The following KIAA0319L variants were observed in gnomAD, a reference collection of about 807,000 sequenced individuals.
KIAA0319L encodes the protein dyslexia-associated protein KIAA0319-like protein.
In KIAA0319L, 55 loss-of-function variants were observed where a neutral mutation model predicts 120.1. The ratio of observed to expected loss-of-function variants is 0.46; its 90% CI spans 0.37 to 0.57. The LOEUF (loss-of-function observed/expected upper bound fraction) is 0.57, where lower values mean the gene tolerates loss of function less well. Ranked by LOEUF, KIAA0319L falls within the 20% of genes least tolerant of loss-of-function variation. The probability of loss-of-function intolerance (pLI) is 0.00; values close to 1 mark genes in which losing one functional copy is unlikely to be tolerated. For missense variants in KIAA0319L, 1,049 were observed against 1,255.3 expected (o/e 0.84, Z 2.48); for synonymous variants, 398 against 471.9 (o/e 0.84, Z 2.03).
At chr1:35,523,645 CAGA>C (rs1646013468) in intron 2 of KIAA0319L, among the ~76,000 whole-genome samples, 1 of 152,040 alleles carries the variant, frequency 6.6e-6, no homozygotes, top group Admixed American at 6.6e-5. Flanking sequence ...TCTCAAAGAG[CAGA>C]AGTTTTTGCA....
intron 13 of KIAA0319L, 33 bp downstream of exon 13, chr1:35,451,595 A>C: frequency 6.2e-7 from 1 of 1,604,536 alleles, no homozygotes. Flanking sequence ...TGACCCTAAG[A>C]GGCTGCTACA....
At chr1:35,449,659 T>C (rs988132352) in intron 15 of KIAA0319L, among the ~76,000 whole-genome samples, 33 of 152,158 alleles carry the variant, frequency 2.2e-4, no homozygotes, top group Admixed American at 9.8e-4. Flanking sequence ...CTGAGATGAA[T>C]AGGGGGAGGT....
Position 35,453,809 on chromosome 1 carries a change from ATAC to A in KIAA0319L, c.1781-123_1781-121del. ...GCCTCTCAGGCCACAGAACTGTCAG[ATAC>A]TGTGGGAGATGTGGTTACCGTCAGG... On this transcript the variant is annotated intron_variant, in intron 11 of 20. Transcript: ENST00000325722. This position sits in a 1 kb window ranked among gnomAD's most constrained non-coding sequence, Gnocchi z 4.1. 2.1e-6 allele frequency: 2 copies of A among 941,854 alleles called. No individual in the cohort carries two copies. Among genetic ancestry groups the A allele is most frequent in the Middle Eastern group, 3.4e-4 (1 of 2,966 alleles). 58.3% of individuals were successfully genotyped at this position (941,854 alleles called of 1,614,324 possible).
rs77007266 is a variant in KIAA0319L, at chr1:35,460,038, A to C, written c.1427+267T>G. ...TTTAACAACAGAAATCCTAAAAAAA[A>C]TTTTTGGAGACCTGCCAGATAAGGC... is the stretch of plus-strand genomic sequence containing the variant. On this transcript the variant is annotated intron_variant, in intron 9 of 20. Transcript: ENST00000325722. Among the ~76,000 whole-genome samples the C allele has an allele frequency of 2.6e-3, 393 of 152,252 alleles. 3 individuals are homozygous for C. The highest frequency in any genetic ancestry group is 9.2e-3 in the African/African-American group (382 of 41,540).
intron 2 of KIAA0319L, among the ~76,000 whole-genome samples, chr1:35,517,275 C>T (rs762511771): frequency 9.2e-5 from 14 of 152,164 alleles, no homozygotes; most frequent in Admixed American, 5.2e-4. Flanking sequence ...AGCCAAAAGA[C>T]CAAAGCTGGT....
At chr1:35,451,886 AC>A (rs1301479520) in intron 12 of KIAA0319L, 110 bp from the exon 13 acceptor site, 1 of 1,110,668 alleles carries the variant, frequency 9.0e-7, no homozygotes, top group African/African-American at 1.6e-5. Flanking sequence ...AACTACTGTT[AC>A]CCAGACCTTG....
At chr1:35,536,665 A>T (rs1371285210) in intron 2 of KIAA0319L, among the ~76,000 whole-genome samples, 6 of 152,238 alleles carry the variant, frequency 3.9e-5, no homozygotes, top group Non-Finnish European at 2.9e-5. Context: ...AGTTTGCATT[A>T]ATTGGATACA....
At chr1:35,547,508 T>G (rs1204243922) in intron 2 of KIAA0319L, among the ~76,000 whole-genome samples, 1 of 152,094 alleles carries the variant, frequency 6.6e-6, no homozygotes, top group Non-Finnish European at 1.5e-5. Flanking sequence ...AACTGATGAA[T>G]GGATAAACAA....
chr1:35,480,818 T>C (rs1415178644), intron 3 of KIAA0319L, among the ~76,000 whole-genome samples: 2 of 152,050 alleles, frequency 1.3e-5, no homozygotes, highest in African/African-American at 4.8e-5. Context: ...TGAAATATAA[T>C]TCACATAAAC....
chr1:35,496,887 C>T (rs748663399), intron 3 of KIAA0319L, among the ~76,000 whole-genome samples: 2 of 131,884 alleles, frequency 1.5e-5, no homozygotes, highest in South Asian at 5.1e-4. Flanking sequence ...GTCGAGGCTG[C>T]GGAGAGCAGA....
chr1:35,468,672 C>G (rs1643428977), intron 6 of KIAA0319L, among the ~76,000 whole-genome samples: 1 of 152,164 alleles, frequency 6.6e-6, no homozygotes, highest in Non-Finnish European at 1.5e-5. Flanking sequence ...ACTTCTCTTC[C>G]CCAACATCCC....
intron 3 of KIAA0319L, among the ~76,000 whole-genome samples, chr1:35,498,787 T>C (rs1644901440): frequency 6.6e-6 from 1 of 152,230 alleles, no homozygotes; most frequent in African/African-American, 2.4e-5. Flanking sequence ...CATGCTATCC[T>C]AGTTTCTACT....
intron 4 of KIAA0319L, among the ~76,000 whole-genome samples, chr1:35,476,453 AG>A (rs1643899557): frequency 6.6e-6 from 1 of 152,196 alleles, no homozygotes; most frequent in African/African-American, 2.4e-5. Flanking sequence ...GGAGGCGAGA[AG>A]GGCTTCCTAG....
chr1:35,441,175 G>A (rs779478542), intron 19 of KIAA0319L, 37 bp from the exon 20 acceptor site: 20 of 1,586,806 alleles, frequency 1.3e-5, no homozygotes, highest in Non-Finnish European at 1.6e-5. Flanking sequence ...TCAGGAAAGA[G>A]GTTCTCTGGG....
rs549874721 is a variant in KIAA0319L, at chr1:35,473,001, G to A, written c.1015+1804C>T. Among the ~76,000 whole-genome samples the A allele has an allele frequency of 1.2e-4, 17 of 144,076 alleles. No homozygotes were observed. In the East Asian group the frequency reaches 3.5e-3, roughly 29 times the overall value. The allele number at this position is 144,076 out of a possible 152,430, so 94.5% of individuals were successfully genotyped here. A position where few individuals can be genotyped will look rare whatever the true frequency, so the allele number is the denominator to read the frequency against. On this transcript the variant is annotated intron_variant, in intron 5 of 20. Coordinates refer to ENST00000325722, the MANE Select transcript of KIAA0319L (RefSeq NM_024874.5). ...TCACCATGCTGGCCAGGCTGGTCTTGAACTCCTGACCTCAGGTGATCTGCC... is the reference window on the plus strand; with the variant it reads ...TCACCATGCTGGCCAGGCTGGTCTTAAACTCCTGACCTCAGGTGATCTGCC...
chr1:35,511,052 CTT>C (rs1305535631), intron 2 of KIAA0319L: 1 of 152,166 alleles, frequency 6.6e-6, no homozygotes, highest in Non-Finnish European at 1.5e-5. Flanking sequence ...GAGCTTGACT[CTT>C]ATTAGTCATC....
chr1:35,459,744 A>G (rs570806064), intron 9 of KIAA0319L, among the ~76,000 whole-genome samples: 263 of 152,324 alleles, frequency 1.7e-3, no homozygotes, highest in Middle Eastern at 3.4e-3. Context: ...TTTTTAACAT[A>G]CAAGGAATTA....
chr1:35,445,572 T>C lies in KIAA0319L; in HGVS notation c.2514-1269A>G, dbSNP rs546463377. Among the ~76,000 whole-genome samples, 17 of 152,332 alleles carry C rather than the reference T, an allele frequency of 1.1e-4. No individual in the cohort carries two copies. In the South Asian group the frequency reaches 2.9e-3, roughly 26 times the overall value. The stretch of plus-strand genomic sequence containing the variant: ...CAACTCATAACCATTAATTGCACAC[T>C]ATGTGTGAGGGACTATACAAACATT... On this transcript the variant is annotated intron_variant, in intron 16 of 20. Coordinates refer to ENST00000325722, the MANE Select transcript of KIAA0319L (RefSeq NM_024874.5).
At chr1:35,540,836 T>A (rs935966709) in intron 2 of KIAA0319L, among the ~76,000 whole-genome samples, 8 of 152,162 alleles carry the variant, frequency 5.3e-5, no homozygotes, top group African/African-American at 1.9e-4. Context: ...AGCAATGCCA[T>A]CCCTCTCAAA....
Sources: gnomAD v4.1 joint callset for allele counts (sites outside exome capture counted in the v4.1 genomes callset) on GRCh38, gnomAD v4.1.1 for gene constraint, Gnocchi (gnomAD v3.1) non-coding constraint, MANE v1.5 for transcripts, NCBI Gene and HGNC (gene_info 2026-07-23, HGNC 2026-07-21) for gene names.